Variants in PHF24 observed in about 807,000 individuals in gnomAD.
PHF24 encodes the protein PHD finger protein 24.
PHF24 carries 25 observed loss-of-function variants against 42.6 expected under a neutral mutation model. That is an observed-to-expected ratio of 0.59 (90% CI 0.43 to 0.82). The LOEUF is 0.82. Among genes scored for constraint, PHF24 ranks in the 40% least tolerant of loss-of-function variants. The pLI is 0.00. For missense variants in PHF24, 470 were observed against 538.1 expected, an observed-to-expected ratio of 0.87 and a Z score of 1.25; for synonymous variants, 185 against 204.8, an observed-to-expected ratio of 0.90 and a Z score of 0.83.
At chr9:34,775,326 T>A in the PHF24 span, among the ~76,000 whole-genome samples, 4 of 152,172 alleles carry the variant, frequency 2.6e-5, no homozygotes, top group Admixed American at 1.3e-4. Flanking sequence ...TTATGTAAGG[T>A]ACCTAGAATA....
At chr9:34,738,269 TG>T in the PHF24 span, among the ~76,000 whole-genome samples, 186 of 152,284 alleles carry the variant, frequency 1.2e-3, no homozygotes, top group African/African-American at 4.2e-3. Flanking sequence ...GCCACTCACT[TG>T]GGGGTGATTT....
the PHF24 span, among the ~76,000 whole-genome samples, chr9:34,695,323 GCCCAGAGAGGGCATGAA>G: frequency 6.6e-6 from 1 of 152,228 alleles, no homozygotes; most frequent in Non-Finnish European, 1.5e-5. Flanking sequence ...GGAGGAGGGT[GCCCAGAGAGGGCATGAA>G]AGCTCCACAC....
chr9:34,950,351 C>CA, the PHF24 span, among the ~76,000 whole-genome samples: 17,926 of 67,470 alleles, frequency 0.27, 1,956 homozygotes, highest in Non-Finnish European at 0.33. Flanking sequence ...GACTCTGTCT[C>CA]AAAAAAAAAA....
chr9:34,801,761 G>C, the PHF24 span, among the ~76,000 whole-genome samples: 1 of 152,098 alleles, frequency 6.6e-6, no homozygotes, highest in Admixed American at 6.5e-5. Context: ...CCTTTGCAGG[G>C]ACACGGATGA....
the PHF24 span, among the ~76,000 whole-genome samples, chr9:34,828,745 C>G: frequency 6.6e-6 from 1 of 152,136 alleles, no homozygotes; most frequent in Non-Finnish European, 1.5e-5. Flanking sequence ...TTTCAGTACA[C>G]CACACTCTTC....
At chr9:34,742,658 T>C in the PHF24 span, among the ~76,000 whole-genome samples, 3 of 152,134 alleles carry the variant, frequency 2.0e-5, no homozygotes, top group East Asian at 5.8e-4. Context: ...TCAAGCTCCC[T>C]GACTCAAGAG....
chr9:34,831,806 G>T, the PHF24 span, among the ~76,000 whole-genome samples: 4 of 152,154 alleles, frequency 2.6e-5, no homozygotes, highest in African/African-American at 4.8e-5. Flanking sequence ...AGAGGCAGTG[G>T]AGGCAGTAAA....
the PHF24 span, among the ~76,000 whole-genome samples, chr9:34,786,956 T>G: frequency 6.6e-6 from 1 of 152,142 alleles, no homozygotes; most frequent in African/African-American, 2.4e-5. Flanking sequence ...AAGGCCAGAG[T>G]GCTGAAGCCT....
the PHF24 span, chr9:34,723,488 G>A: frequency 6.4e-7 from 1 of 1,551,812 alleles, no homozygotes; most frequent in Non-Finnish European, 8.7e-7. Context: ...CAGGCTCTTT[G>A]CAACATTTTC....
chr9:34,840,605 C>T, the PHF24 span, among the ~76,000 whole-genome samples: 1 of 151,882 alleles, frequency 6.6e-6, no homozygotes, highest in African/African-American at 2.4e-5. Flanking sequence ...TCATAGCTCA[C>T]TGCAGCCTCT....
At chr9:34,936,024 T>TTTCCCG in the PHF24 span, among the ~76,000 whole-genome samples, 1 of 148,022 alleles carries the variant, frequency 6.8e-6, no homozygotes, top group Non-Finnish European at 1.5e-5. Context: ...TCCCTCTCCC[T>TTTCCCG]CTCCCGCTCC....
chr9:34,787,566 T>C, the PHF24 span, among the ~76,000 whole-genome samples: 1 of 152,110 alleles, frequency 6.6e-6, no homozygotes, highest in Non-Finnish European at 1.5e-5. Context: ...GAAAGAAAAG[T>C]GTAAGTCTTT....
chr9:34,741,776 C>T, the PHF24 span, among the ~76,000 whole-genome samples: 1 of 152,188 alleles, frequency 6.6e-6, no homozygotes, highest in Non-Finnish European at 1.5e-5. Flanking sequence ...TGTCTCATGT[C>T]CCTTTTCGTT....
chr9:34,836,238 G>T, the PHF24 span, among the ~76,000 whole-genome samples: 1 of 152,182 alleles, frequency 6.6e-6, no homozygotes, highest in Non-Finnish European at 1.5e-5. Context: ...TGGGCTGGGG[G>T]TTAGGACTTG....
At chr9:34,739,984 C>T in the PHF24 span, among the ~76,000 whole-genome samples, 4 of 152,286 alleles carry the variant, frequency 2.6e-5, no homozygotes, top group African/African-American at 7.2e-5. Flanking sequence ...TCCAAGTCCC[C>T]ACCAGAGTAG....
the PHF24 span, chr9:34,832,642 A>G: frequency 1.8e-5 from 27 of 1,539,064 alleles, no homozygotes; most frequent in African/African-American, 4.1e-5. Context: ...GGGTTAATAC[A>G]CTCCAGAAAA....
the PHF24 span, among the ~76,000 whole-genome samples, chr9:34,697,448 T>C: frequency 6.6e-6 from 1 of 152,196 alleles, no homozygotes; most frequent in Non-Finnish European, 1.5e-5. Flanking sequence ...GCCTCCCAAG[T>C]AGCTGGGATT....
At chr9:34,696,482 A>C in the PHF24 span, among the ~76,000 whole-genome samples, 1 of 114,392 alleles carries the variant, frequency 8.7e-6, no homozygotes, top group Non-Finnish European at 1.8e-5. Flanking sequence ...GCAAGACTCC[A>C]TCTCAAAAAA....
chr9:34,707,877 G>A, the PHF24 span, among the ~76,000 whole-genome samples: 20 of 151,912 alleles, frequency 1.3e-4, no homozygotes, highest in South Asian at 1.9e-3. Flanking sequence ...GATTACAGGC[G>A]CCCGCCACAA....
Sources: gnomAD v4.1 joint callset for allele counts (sites outside exome capture counted in the v4.1 genomes callset) on GRCh38, gnomAD v4.1.1 for gene constraint, MANE v1.5 for transcripts, NCBI Gene and HGNC (gene_info 2026-07-23, HGNC 2026-07-21) for gene names.